The following ARSB variants were observed in gnomAD, a reference collection of about 807,000 sequenced individuals.
ARSB encodes arylsulfatase B.
In ARSB, 41 loss-of-function variants were observed where a neutral mutation model predicts 50.9. The observed-to-expected ratio is 0.81, with a 90% CI of 0.63 to 1.04. The LOEUF (loss-of-function observed/expected upper bound fraction) is 1.04. Ranked by LOEUF, ARSB falls within the 50% of genes least tolerant of loss-of-function variation. The pLI, the probability that ARSB is intolerant of heterozygous loss-of-function variation, is 0.00. For missense variants in ARSB, 672 were observed against 693.3 expected (o/e 0.97, Z 0.35); for synonymous variants, 269 against 284.8 (o/e 0.94, Z 0.56).
intron 2 of ARSB, among the ~76,000 whole-genome samples, chr5:78,964,975 G>C (rs532960375): frequency 1.4e-4 from 21 of 152,252 alleles, no homozygotes; most frequent in African/African-American, 4.8e-4. Context: ...TTTACTCTAA[G>C]GTGATCACAT....
intron 5 of ARSB, among the ~76,000 whole-genome samples, chr5:78,874,746 T>G (rs1409661811): frequency 1.3e-5 from 2 of 152,182 alleles, no homozygotes; most frequent in African/African-American, 4.8e-5. Context: ...AACTACAGAA[T>G]ACGCATTCTT....
chr5:78,891,056 T>C (rs536735708), intron 4 of ARSB, among the ~76,000 whole-genome samples: 4 of 152,332 alleles, frequency 2.6e-5, no homozygotes, highest in South Asian at 2.1e-4. Flanking sequence ...AGCAAAAAGT[T>C]TCTTAATGTT....
chr5:78,854,306 A>G (rs1746032493), intron 5 of ARSB, among the ~76,000 whole-genome samples: 1 of 152,206 alleles, frequency 6.6e-6, no homozygotes, highest in Non-Finnish European at 1.5e-5. Context: ...GTTTCTTGAG[A>G]TACATTGCTA....
intron 4 of ARSB, among the ~76,000 whole-genome samples, chr5:78,893,711 G>GTA (rs1387318371): frequency 1.3e-5 from 2 of 152,190 alleles, no homozygotes; most frequent in Non-Finnish European, 2.9e-5. Context: ...GATGAAAGTT[G>GTA]TAAGGTAAGC....
chr5:78,985,896 C>T (rs1753166678), upstream of ARSB: 1 of 152,348 alleles, frequency 6.6e-6, no homozygotes, highest in Admixed American at 6.5e-5. Context: ...AGGCCAAACA[C>T]ACAGTCTGAT....
Position 78,969,176 on chromosome 5 carries a change from T to C in ARSB, c.329A>G (p.Gln110Arg), listed in dbSNP as rs1233966231. 6.2e-7 allele frequency: 1 copy of C among 1,614,194 alleles called. No individual in the cohort carries two copies. Among genetic ancestry groups the C allele is most frequent in the Admixed American group, 1.7e-5 (1 of 60,022 alleles). Residue 110 changes from glutamine to arginine, a missense_variant, in exon 2 of 8, where the codon CAG becomes CGG. By Grantham distance (43) the Gln-to-Arg change is conservative. Coordinates refer to ENST00000264914, the MANE Select transcript of ARSB (RefSeq NM_000046.5). ...TGRYQIRTGL[Q>R]HQIIWPCQPS... The stretch of plus-strand genomic sequence containing the variant: ...CTGACAGGGCCAGATTATTTGGTGC[T>C]GTAAACCTGTACGGATCTTACAGAG...
chr5:78,954,741 T>C (rs987968521), intron 4 of ARSB, among the ~76,000 whole-genome samples: 4 of 152,152 alleles, frequency 2.6e-5, no homozygotes, highest in Admixed American at 2.6e-4. Context: ...CTGACCTCAG[T>C]TGATCCACCC....
intron 5 of ARSB, among the ~76,000 whole-genome samples, chr5:78,841,521 A>G (rs1209617252): frequency 6.6e-6 from 1 of 152,228 alleles, no homozygotes; most frequent in Non-Finnish European, 1.5e-5. Context: ...ACTATTAAAA[A>G]TAAAGGCTTT....
chr5:78,979,020 T>G (rs1322818689), intron 1 of ARSB, among the ~76,000 whole-genome samples: 1 of 152,168 alleles, frequency 6.6e-6, no homozygotes, highest in Non-Finnish European at 1.5e-5. Context: ...CAAAGGACAC[T>G]ATCAGGAAAG....
At chr5:78,968,319 TTATTATTATTA>T (rs1752296237) in intron 2 of ARSB, among the ~76,000 whole-genome samples, 2 of 8,860 alleles carry the variant, frequency 2.3e-4, no homozygotes, top group Non-Finnish European at 4.4e-4. Flanking sequence ...TTTTATTTTA[TTATTATTATTA>T]TTATTATTAT....
At chr5:78,839,127 C>T (rs1222502483) in intron 6 of ARSB, among the ~76,000 whole-genome samples, 1 of 149,948 alleles carries the variant, frequency 6.7e-6, no homozygotes, top group South Asian at 2.1e-4. Context: ...GGCTTAAAGG[C>T]TAGTAAGCGG....
intron 1 of ARSB, among the ~76,000 whole-genome samples, chr5:78,969,427 T>A (rs2112531537): frequency 6.6e-6 from 1 of 152,316 alleles, no homozygotes; most frequent in African/African-American, 2.4e-5. Flanking sequence ...ATATTTTCAA[T>A]ATTTATCAAG....
intron 6 of ARSB, among the ~76,000 whole-genome samples, chr5:78,810,347 T>C (rs1165702202): frequency 1.3e-5 from 2 of 152,190 alleles, no homozygotes; most frequent in Admixed American, 6.5e-5. Flanking sequence ...AGTTGTGAAA[T>C]GACAGGTAAA....
chr5:78,844,970 T>C (rs1454298019), intron 5 of ARSB, among the ~76,000 whole-genome samples: 1 of 152,150 alleles, frequency 6.6e-6, no homozygotes, highest in Non-Finnish European at 1.5e-5. Flanking sequence ...TATAGAGCAC[T>C]AGACCTTATT....
At chr5:78,806,784 T>C (rs956462827) in intron 6 of ARSB, among the ~76,000 whole-genome samples, 12 of 152,324 alleles carry the variant, frequency 7.9e-5, no homozygotes, top group African/African-American at 2.6e-4. Flanking sequence ...GTGATAAATA[T>C]GGTTTTGGTA....
At chr5:78,968,334 T>C (rs1419861052) in intron 2 of ARSB, among the ~76,000 whole-genome samples, 1 of 81,662 alleles carries the variant, frequency 1.2e-5, no homozygotes, top group Non-Finnish European at 2.3e-5. Context: ...ATTATTATTA[T>C]TATTATTATT....
intron 4 of ARSB, among the ~76,000 whole-genome samples, chr5:78,925,611 C>A (rs1376841704): frequency 6.6e-6 from 1 of 152,090 alleles, no homozygotes; most frequent in African/African-American, 2.4e-5. Context: ...AAAAGGAATG[C>A]CCCTAAAAAT....
At chr5:78,855,302 G>T (rs538803124) in intron 5 of ARSB, among the ~76,000 whole-genome samples, 2 of 152,210 alleles carry the variant, frequency 1.3e-5, no homozygotes, top group African/African-American at 4.8e-5. Context: ...AGGATGCAGC[G>T]TGCTGCTTTG....
intron 6 of ARSB, among the ~76,000 whole-genome samples, chr5:78,808,079 C>T (rs1460591849): frequency 2.0e-5 from 2 of 99,388 alleles, no homozygotes; most frequent in South Asian, 3.5e-4. Flanking sequence ...GGCGACAGAG[C>T]GAGACTCCGT....
Sources: gnomAD v4.1 joint callset for allele counts (sites outside exome capture counted in the v4.1 genomes callset) on GRCh38, gnomAD v4.1.1 for gene constraint, MANE v1.5 for transcripts, NCBI Gene and HGNC (gene_info 2026-07-23, HGNC 2026-07-21) for gene names.